The following ZNF182 variants were observed in gnomAD, a reference collection of about 807,000 sequenced individuals.
ZNF182 encodes zinc finger protein 21 (KOX 14).
Under a neutral mutation model 28.1 loss-of-function variants are expected in ZNF182, and 10 were observed. The observed-to-expected ratio is 0.36, with a 90% CI of 0.22 to 0.60. ZNF182 has a LOEUF of 0.60. ZNF182 is among the 20% of genes least tolerant of loss of function. The probability of loss-of-function intolerance (pLI) is 0.75; values close to 1 mark genes in which losing one functional copy is unlikely to be tolerated. For synonymous variants in ZNF182, 156 were observed against 158.7 expected (o/e 0.98, Z 0.13); for missense variants, 352 against 453.2 (o/e 0.78, Z 2.03).
intron 5 of ZNF182, among the ~76,000 whole-genome samples, chrX:47,978,760 T>C (rs1372925973): frequency 8.9e-6 from 1 of 112,705 alleles, no homozygotes; most frequent in Non-Finnish European, 1.9e-5. Context: ...GTCAGTCTTT[T>C]CTAAAAAGCT....
intron 3 of ZNF182, among the ~76,000 whole-genome samples, chrX:47,985,389 C>A (rs996043603): frequency 1.8e-5 from 2 of 111,789 alleles, no homozygotes; most frequent in Admixed American, 1.9e-4. Context: ...ATAAAAACTA[C>A]AAAGACTGAA....
At chrX:47,999,887 G>A (rs1556901686) in intron 3 of ZNF182, among the ~76,000 whole-genome samples, 1 of 111,886 alleles carries the variant, frequency 8.9e-6, no homozygotes, top group East Asian at 2.8e-4. Context: ...TGTAATCCCA[G>A]CACTTTGGGA....
Position 47,976,695 on chromosome X carries a change from C to A in ZNF182, c.1335G>T (p.Glu445Asp), listed in dbSNP as rs1556898201. ...GGTAGGACTTCTGAGAGAAGGCTTTCTCACATTCATTACATTCAAAGGGTT... is the reference window on the plus strand; with the variant it reads ...GGTAGGACTTCTGAGAGAAGGCTTTATCACATTCATTACATTCAAAGGGTT... ...GEKPFECNECEKAFSQKSYLM... is the reference protein window; with the variant it reads ...GEKPFECNECDKAFSQKSYLM... The change falls in exon 6 of 6, where the codon GAG (glutamate) becomes GAT (aspartate). Residue 445 changes from glutamate (E) to aspartate (D), a missense_variant. By Grantham distance (45) the Glu-to-Asp change is conservative. Transcript: ENST00000376943. The A allele has an allele frequency of 8.3e-7, 1 of 1,209,055 alleles. No individual in the cohort carries two copies. Among genetic ancestry groups the A allele is most frequent in the Admixed American group, 2.2e-5 (1 of 45,794 alleles).
At position 47,987,336 on chromosome X, in the gene ZNF182, T is replaced by C. The variant is rs145277200; in HGVS notation, c.16-3925A>G. 2.1e-3 allele frequency among the ~76,000 whole-genome samples: 239 copies of C among 111,803 alleles called. 2 individuals carry two copies. The Admixed American group carries it at 0.022, about 10-fold the overall frequency. ...CTAAAACAAAGTGATTCGAGAAGGC[T>C]AAAAGTAAAGGGATAGGCAATGGTC... On this transcript the variant is annotated intron_variant, in intron 3 of 5. Transcript: ENST00000376943.
intron 3 of ZNF182, among the ~76,000 whole-genome samples, chrX:47,993,725 TACA>T (rs1469181535): frequency 9.0e-6 from 1 of 111,081 alleles, no homozygotes; most frequent in East Asian, 2.8e-4. Context: ...AACCAAAAAA[TACA>T]ACAAGCAAAT....
At position 47,975,880 on chromosome X, in the gene ZNF182, T is replaced by C. The variant is rs1000475562; in HGVS notation, c.*287A>G. On this transcript the variant is annotated 3_prime_UTR_variant, in exon 6 of 6. Coordinates refer to ENST00000376943, the MANE Select transcript of ZNF182 (RefSeq NM_001007088.2). ...GTCCTTACCAGTGCTGTCTTGCACC[T>C]GCAGCCTTGAGCACTCTCACTCTGA... The C allele has an allele frequency of 2.0e-5, 5 of 248,893 alleles. No individual in the cohort carries two copies. Among genetic ancestry groups the C allele is most frequent in the East Asian group, 1.4e-4 (2 of 14,791 alleles). 20.5% of individuals were successfully genotyped at this position (248,893 alleles called of 1,213,427 possible). A position where few individuals can be genotyped will look rare whatever the true frequency, so the allele number is the denominator to read the frequency against.
Position 48,003,590 on chromosome X carries a change from A to G in ZNF182, c.-127T>C, listed in dbSNP as rs1556902178. On this transcript the variant is annotated 5_prime_UTR_variant, in exon 2 of 6. Transcript: ENST00000376943. ...GGTTCACTTCGGCCGGAGCATTCACACCAGGCCCCCACCTCGGGGCTTGGG... is the reference window on the plus strand; with the variant it reads ...GGTTCACTTCGGCCGGAGCATTCACGCCAGGCCCCCACCTCGGGGCTTGGG... 1.8e-5 allele frequency: 2 copies of G among 111,222 alleles called. No homozygotes were observed. The highest frequency in any genetic ancestry group is 6.6e-5 in the African/African-American group (2 of 30,527). 9.2% of individuals were successfully genotyped at this position (111,222 alleles called of 1,213,427 possible). A position where few individuals can be genotyped will look rare whatever the true frequency, so the allele number is the denominator to read the frequency against.
At chrX:47,987,400 T>A (rs1335183620) in intron 3 of ZNF182, among the ~76,000 whole-genome samples, 4 of 111,772 alleles carry the variant, frequency 3.6e-5, no homozygotes, top group African/African-American at 6.5e-5. Flanking sequence ...AAAGCAGAGG[T>A]TGAGATCCTG....
rs202126214 is a variant in ZNF182, at chrX:48,002,577, A to G, written c.15+18T>C. 1,231 of 1,209,714 alleles carry G rather than the reference A, an allele frequency of 1.0e-3. 6 individuals are homozygous for G. The South Asian group carries it at 0.021, about 20-fold the overall frequency. On this transcript the variant is annotated intron_variant, in intron 3 of 5. Coordinates refer to ENST00000376943, the MANE Select transcript of ZNF182 (RefSeq NM_001007088.2). ...CCACAGTAAAATAGAGGAATGAAGA[A>G]ACAGACAACATACTTACCTGGGGTT... is the stretch of plus-strand genomic sequence containing the variant.
At chrX:48,002,191 T>A (rs782082561) in intron 3 of ZNF182, among the ~76,000 whole-genome samples, 5 of 112,037 alleles carry the variant, frequency 4.5e-5, no homozygotes, top group Non-Finnish European at 9.4e-5. Context: ...CTGTAGCACA[T>A]ATCTGCAGGA....
chrX:47,995,028 C>A (rs2058954175), intron 3 of ZNF182, among the ~76,000 whole-genome samples: 1 of 109,227 alleles, frequency 9.2e-6, no homozygotes, highest in African/African-American at 3.3e-5. Context: ...AGTTCCATTT[C>A]TTTTATAAGA....
chrX:47,985,543 T>C (rs782005598), intron 3 of ZNF182, among the ~76,000 whole-genome samples: 1 of 111,760 alleles, frequency 8.9e-6, no homozygotes, highest in South Asian at 3.8e-4. Context: ...GACCTTACCC[T>C]ATGCATCACT....
chrX:47,977,896 A>C, intron 5 of ZNF182, 99 bp from the exon 6 acceptor site: 203 of 783,546 alleles, frequency 2.6e-4, no homozygotes, highest in Middle Eastern at 3.5e-4. Context: ...CTATAATCTC[A>C]TTTTATCAGA....
chrX:48,002,098 C>G (rs947183068), intron 3 of ZNF182, among the ~76,000 whole-genome samples: 1 of 112,110 alleles, frequency 8.9e-6, no homozygotes, highest in Non-Finnish European at 1.9e-5. Context: ...TCAGGAAAAT[C>G]ATTGGAAAGA....
chrX:47,979,928 T>G (rs1382685819), intron 5 of ZNF182, among the ~76,000 whole-genome samples: 1 of 106,407 alleles, frequency 9.4e-6, no homozygotes, highest in Non-Finnish European at 1.9e-5. Context: ...TTTCATCACT[T>G]TGCTTCTTTT....
intron 3 of ZNF182, among the ~76,000 whole-genome samples, chrX:47,989,436 A>AT (rs1437935831): frequency 9.1e-6 from 1 of 110,314 alleles, no homozygotes; most frequent in East Asian, 2.8e-4. Context: ...CAAAAAAAAA[A>AT]AAAAAGACAA....
Position 48,000,632 on chromosome X carries a change from T to C in ZNF182, c.15+1963A>G, listed in dbSNP as rs781855824. Among the ~76,000 whole-genome samples, 6 of 111,800 alleles carry C rather than the reference T, an allele frequency of 5.4e-5. No individual in the cohort carries two copies. The South Asian group carries it at 1.8e-3, about 34-fold the overall frequency. On this transcript the variant is annotated intron_variant, in intron 3 of 5. Coordinates refer to ENST00000376943, the MANE Select transcript of ZNF182 (RefSeq NM_001007088.2). ...AATCTAAAACTATAAAATTATACAA[T>C]AGGAGAAAATCTTCATGACCTAGTG...
In ZNF182 at chrX:47,983,270, G is replaced by A; in HGVS notation, c.142+15C>T. ...AATCATAAACTGCAAAATTACCTAA[G>A]GAAGCTATTCTTACCCACAAAGACC... is the stretch of plus-strand genomic sequence containing the variant. On this transcript the variant is annotated intron_variant, in intron 4 of 5. Coordinates refer to ENST00000376943, the MANE Select transcript of ZNF182 (RefSeq NM_001007088.2). 1 of 1,211,071 alleles carries A rather than the reference G, an allele frequency of 8.3e-7. No individual in the cohort carries two copies. Among genetic ancestry groups the A allele is most frequent in the Non-Finnish European group, 1.1e-6 (1 of 895,228 alleles).
chrX:47,983,145 G>C (rs886261366), intron 4 of ZNF182, 107 bp from the exon 5 acceptor site: 14 of 1,101,128 alleles, frequency 1.3e-5, no homozygotes, highest in Non-Finnish European at 1.5e-5. Context: ...TGACATAATG[G>C]TAAAGTCAAA....
Sources: allele counts gnomAD v4.1 joint callset (sites outside exome capture counted in the v4.1 genomes callset), GRCh38; gene constraint gnomAD v4.1.1; transcripts MANE v1.5; gene names NCBI Gene and HGNC (gene_info 2026-07-23, HGNC 2026-07-21).